Variants in CHUK observed in about 807,000 individuals in gnomAD.
CHUK encodes the protein inhibitor of nuclear factor kappa-B kinase subunit alpha.
Under a neutral mutation model 104.8 loss-of-function variants are expected in CHUK, and 35 were observed. The ratio of observed to expected loss-of-function variants is 0.33; its 90% CI spans 0.26 to 0.44. The LOEUF (loss-of-function observed/expected upper bound fraction) is 0.44. Among genes scored for constraint, CHUK ranks in the 20% least tolerant of loss-of-function variants. The pLI is 1.00. For missense variants in CHUK, 663 were observed against 902.7 expected, an observed-to-expected ratio of 0.73 and a Z score of 3.40; for synonymous variants, 276 against 291.9, an observed-to-expected ratio of 0.95 and a Z score of 0.56.
intron 4 of CHUK, among the ~76,000 whole-genome samples, chr10:100,221,568 T>G (rs973906787): frequency 6.6e-6 from 1 of 152,190 alleles, no homozygotes; most frequent in Non-Finnish European, 1.5e-5. Flanking sequence ...ATGATTTTTT[T>G]GTCAGCTATT....
In CHUK at chr10:100,193,949, A is replaced by G. The variant is rs111308244; in HGVS notation, c.1974+35T>C. On this transcript the variant is annotated intron_variant, in intron 18 of 20. Coordinates refer to ENST00000370397, the MANE Select transcript of CHUK (RefSeq NM_001278.5). Reference sequence around the variant, plus strand: ...CTTTGCAAGGAATAATAGCAACTCAATGTCACATTAAATAATTCATTAATA... The same window carrying G: ...CTTTGCAAGGAATAATAGCAACTCAGTGTCACATTAAATAATTCATTAATA... 3.7e-5 allele frequency: 59 copies of G among 1,584,304 alleles called. No homozygotes were observed. The African/African-American group carries it at 5.5e-4, about 15-fold the overall frequency.
At chr10:100,208,656 G>A (rs900241236) in intron 10 of CHUK, among the ~76,000 whole-genome samples, 2 of 151,976 alleles carry the variant, frequency 1.3e-5, no homozygotes, top group African/African-American at 4.8e-5. Flanking sequence ...ATGGTGGTGG[G>A]CACCTATAAT....
At chr10:100,221,523 T>C (rs79646105) in intron 4 of CHUK, among the ~76,000 whole-genome samples, 3 of 152,080 alleles carry the variant, frequency 2.0e-5, no homozygotes, top group African/African-American at 7.2e-5. Flanking sequence ...ATGTCAATGG[T>C]AGGGGGGGAG....
chr10:100,216,240 C>G (rs907624689), intron 9 of CHUK, among the ~76,000 whole-genome samples: 2 of 152,190 alleles, frequency 1.3e-5, no homozygotes, highest in Admixed American at 1.3e-4. Context: ...GGTTCATTCA[C>G]AGCTGAAATG....
At chr10:100,224,553 C>T (rs1846062828) in intron 2 of CHUK, among the ~76,000 whole-genome samples, 1 of 151,946 alleles carries the variant, frequency 6.6e-6, no homozygotes, top group African/African-American at 2.4e-5. Flanking sequence ...TCTCCTCCCT[C>T]GGCCTCCCAA....
At position 100,220,737 on chromosome 10, in the gene CHUK, C is replaced by G. The variant is rs17880094; in HGVS notation, c.386-61G>C. On this transcript the variant is annotated intron_variant, in intron 4 of 20. Coordinates refer to ENST00000370397, the MANE Select transcript of CHUK (RefSeq NM_001278.5). ...AAATCATTGAGTTAAAAGAAAAATT[C>G]ACCTCACATTTTGTACAAATCTACT... is the stretch of plus-strand genomic sequence containing the variant. 2.8e-4 allele frequency: 302 copies of G among 1,075,732 alleles called. No homozygotes were observed. The African/African-American group carries it at 4.2e-3, about 15-fold the overall frequency. 66.6% of individuals were successfully genotyped at this position (1,075,732 alleles called of 1,614,324 possible). A position where few individuals can be genotyped will look rare whatever the true frequency, so the allele number is the denominator to read the frequency against.
intron 17 of CHUK, 78 bp downstream of exon 17, chr10:100,194,347 A>C: frequency 8.3e-7 from 1 of 1,204,660 alleles, no homozygotes; most frequent in South Asian, 1.2e-5. Context: ...TACTTTACCA[A>C]AGAGGGCTTT....
In CHUK at chr10:100,217,991, T is replaced by C; in HGVS notation, c.933+4A>G. 1 of 1,614,016 alleles carries C rather than the reference T, an allele frequency of 6.2e-7. No homozygotes were observed. The highest frequency in any genetic ancestry group is 8.5e-7 in the Non-Finnish European group (1 of 1,179,866). On this transcript the variant is annotated splice_donor_region_variant and intron_variant, in intron 9 of 20. Coordinates refer to ENST00000370397, the MANE Select transcript of CHUK (RefSeq NM_001278.5). ...TCTTATGCAGTAGACCCATTAAGAC[T>C]AACCTTCAAATTCAAAATGTGATCC...
At chr10:100,208,796 A>AAAAAAAAAG (rs1564835895) in intron 10 of CHUK, among the ~76,000 whole-genome samples, 1 of 151,382 alleles carries the variant, frequency 6.6e-6, no homozygotes, top group African/African-American at 2.4e-5. Context: ...AAAAAAAAAA[A>AAAAAAAAAG]CTGGAAGAGC....
rs187332683 is a variant in CHUK at position 100,223,812 on chromosome 10, T to C, written c.201-832A>G. 1.1e-4 allele frequency among the ~76,000 whole-genome samples: 16 copies of C among 152,350 alleles called. No homozygotes were observed. The East Asian group carries it at 2.5e-3, about 24-fold the overall frequency. ...TTACCAACCACCAGCTATGTGATTC[T>C]ATAAGCTTCAACTTCCTCATTTGCA... On this transcript the variant is annotated intron_variant, in intron 2 of 20. Coordinates refer to ENST00000370397, the MANE Select transcript of CHUK (RefSeq NM_001278.5).
intron 3 of CHUK, 107 bp downstream of exon 3, chr10:100,222,759 A>G (rs1846019290): frequency 1.4e-6 from 1 of 702,384 alleles, no homozygotes; most frequent in Non-Finnish European, 2.6e-6. Context: ...AACAGGAAGC[A>G]GACCATAGTT....
intron 16 of CHUK, among the ~76,000 whole-genome samples, chr10:100,197,788 T>G (rs1429428337): frequency 6.6e-6 from 1 of 152,136 alleles, no homozygotes; most frequent in Non-Finnish European, 1.5e-5. Flanking sequence ...CTTGGAAGCC[T>G]GAAGTGGAAG....
In CHUK at chr10:100,193,588, T is replaced by G. The variant is rs1845255024; in HGVS notation, c.1975-157A>C. 4.8e-6 allele frequency: 4 copies of G among 831,638 alleles called. No homozygotes were observed. In the South Asian group the frequency reaches 6.0e-5, roughly 12 times the overall value. 51.5% of individuals were successfully genotyped at this position (831,638 alleles called of 1,614,324 possible). On this transcript the variant is annotated intron_variant, in intron 18 of 20. Transcript: ENST00000370397. ...AAACTATTCCCACCTTTACACACCA[T>G]TAGTAACCTGTCCTTGGACCCTTTC...
chr10:100,208,475 C>T (rs959503842), intron 10 of CHUK, among the ~76,000 whole-genome samples: 8 of 152,036 alleles, frequency 5.3e-5, no homozygotes, highest in Admixed American at 1.3e-4. Flanking sequence ...ACAACTGTTT[C>T]AGCACGACTG....
chr10:100,228,482 C>T (rs2134257382), intron 1 of CHUK, among the ~76,000 whole-genome samples: 1 of 152,184 alleles, frequency 6.6e-6, no homozygotes, highest in East Asian at 1.9e-4. Context: ...GGTGAAACCC[C>T]GTCTCTACTA....
At chr10:100,220,369 G>GA (rs1386620158) in intron 5 of CHUK, among the ~76,000 whole-genome samples, 2 of 148,616 alleles carry the variant, frequency 1.3e-5, no homozygotes, top group African/African-American at 2.5e-5. Context: ...AAAAGAAAAA[G>GA]AAAAAAAAAG....
At chr10:100,205,984 C>T (rs1224949602) in intron 11 of CHUK, among the ~76,000 whole-genome samples, 1 of 152,022 alleles carries the variant, frequency 6.6e-6, no homozygotes, top group Non-Finnish European at 1.5e-5. Context: ...GGACATCTTA[C>T]AAAATACTTG....
In CHUK at chr10:100,189,408, G is replaced by A. The variant is rs369993671; in HGVS notation, c.*190C>T. 2.4e-5 allele frequency: 14 copies of A among 584,606 alleles called. No individual in the cohort carries two copies. The highest frequency in any genetic ancestry group is 3.0e-5 in the Admixed American group (1 of 33,860). 36.2% of individuals were successfully genotyped at this position (584,606 alleles called of 1,614,324 possible). A position where few individuals can be genotyped will look rare whatever the true frequency, so the allele number is the denominator to read the frequency against. On this transcript the variant is annotated 3_prime_UTR_variant, in exon 21 of 21. Coordinates refer to ENST00000370397, the MANE Select transcript of CHUK (RefSeq NM_001278.5). The stretch of plus-strand genomic sequence containing the variant: ...TTTCTAAATTCCTGTCTGTTTAGAG[G>A]CTTGAATTACTCAAAACTGTTATAC...
At chr10:100,199,917 G>A (rs1354636002) in intron 16 of CHUK, 54 bp downstream of exon 16, 2 of 1,224,810 alleles carry the variant, frequency 1.6e-6, no homozygotes, top group Non-Finnish European at 2.4e-6. Context: ...ACATTTGTTA[G>A]GCTAGTGATA....
Sources: allele counts gnomAD v4.1 joint callset (sites outside exome capture counted in the v4.1 genomes callset), GRCh38; gene constraint gnomAD v4.1.1; transcripts MANE v1.5; gene names NCBI Gene and HGNC (gene_info 2026-07-23, HGNC 2026-07-21).